OSTN: variants seen among roughly 807,000 people sequenced by gnomAD.
OSTN encodes the protein osteocrin.
In OSTN, 9 loss-of-function variants were observed where a neutral mutation model predicts 12.0. That is an observed-to-expected ratio of 0.75 (90% CI 0.45 to 1.30). The LOEUF (loss-of-function observed/expected upper bound fraction) is 1.30, where lower values mean the gene tolerates loss of function less well. Ranked by LOEUF, OSTN falls within the 50% of genes most tolerant of loss-of-function variation. OSTN has a pLI of 0.00. For missense variants in OSTN, 148 were observed against 152.3 expected, an observed-to-expected ratio of 0.97 and a Z score of 0.15; for synonymous variants, 59 against 56.9, an observed-to-expected ratio of 1.04 and a Z score of -0.16.
chr3:191,231,961 A>G (rs1715068266), intron 3 of OSTN, among the ~76,000 whole-genome samples: 1 of 152,062 alleles, frequency 6.6e-6, no homozygotes, highest in Admixed American at 6.5e-5. Flanking sequence ...ATTAATTTGC[A>G]ATAAAACATA....
At chr3:191,245,363 T>G (rs1036302994) in intron 3 of OSTN, among the ~76,000 whole-genome samples, 13 of 151,384 alleles carry the variant, frequency 8.6e-5, no homozygotes, top group Non-Finnish European at 1.0e-4. Flanking sequence ...ATAAGTTTGT[T>G]AAGTGAATAA....
intron 4 of OSTN, among the ~76,000 whole-genome samples, chr3:191,258,990 T>C (rs1192093917): frequency 6.6e-6 from 1 of 152,140 alleles, no homozygotes; most frequent in Non-Finnish European, 1.5e-5. Context: ...AGCAGAGTTT[T>C]AGACCTCACA....
chr3:191,215,367 C>T (rs946636023), intron 2 of OSTN, among the ~76,000 whole-genome samples: 1 of 152,104 alleles, frequency 6.6e-6, no homozygotes, highest in African/African-American at 2.4e-5. Flanking sequence ...ATCATTTTGC[C>T]ACTTGCCCCT....
intron 4 of OSTN, among the ~76,000 whole-genome samples, chr3:191,253,576 A>G (rs191110639): frequency 4.0e-4 from 61 of 152,382 alleles, no homozygotes; most frequent in African/African-American, 1.4e-3. Context: ...AGGTTTTAAT[A>G]ATAGTTTCAA....
In OSTN at chr3:191,264,448, T is replaced by C. The variant is rs910392789; in HGVS notation, c.*1595T>C. Reference sequence around the variant, plus strand: ...CTGGATATTTTTAAAATTGAAAGTCTTCAAAATTAATTTAGGAAAAATAGT... The same window carrying C: ...CTGGATATTTTTAAAATTGAAAGTCCTCAAAATTAATTTAGGAAAAATAGT... On this transcript the variant is annotated 3_prime_UTR_variant, in exon 5 of 5. Transcript: ENST00000682035. 3.3e-5 allele frequency: 5 copies of C among 152,152 alleles called. No homozygotes were observed. Among genetic ancestry groups the C allele is most frequent in the African/African-American group, 1.2e-4 (5 of 41,462 alleles). 9.4% of individuals were successfully genotyped at this position (152,152 alleles called of 1,614,324 possible).
At chr3:191,240,653 T>A (rs942249032) in intron 3 of OSTN, among the ~76,000 whole-genome samples, 8 of 152,236 alleles carry the variant, frequency 5.3e-5, no homozygotes, top group Non-Finnish European at 1.0e-4. Flanking sequence ...ACAGTGAAAA[T>A]GTTGGCCAGG....
chr3:191,208,642 G>T (rs192110654), intron 1 of OSTN, among the ~76,000 whole-genome samples: 22 of 152,154 alleles, frequency 1.4e-4, no homozygotes, highest in African/African-American at 5.3e-4. Flanking sequence ...CATCAATATT[G>T]TAAACACTCA....
chr3:191,252,739 T>A (rs539278608), intron 4 of OSTN, among the ~76,000 whole-genome samples: 1 of 152,342 alleles, frequency 6.6e-6, no homozygotes, highest in African/African-American at 2.4e-5. Context: ...ATGTAGTTTA[T>A]GAATAACAAA....
intron 3 of OSTN, among the ~76,000 whole-genome samples, chr3:191,242,221 G>C (rs1238213366): frequency 6.6e-6 from 1 of 151,984 alleles, no homozygotes; most frequent in African/African-American, 2.4e-5. Flanking sequence ...AACCAAGTAA[G>C]GGACACCATT....
At chr3:191,219,516 T>G (rs1310062070) in intron 3 of OSTN, among the ~76,000 whole-genome samples, 3 of 152,216 alleles carry the variant, frequency 2.0e-5, no homozygotes, top group African/African-American at 7.2e-5. Flanking sequence ...AATAATTACT[T>G]GCTTCCATAA....
At chr3:191,224,300 A>G (rs920464606) in intron 3 of OSTN, among the ~76,000 whole-genome samples, 1 of 151,544 alleles carries the variant, frequency 6.6e-6, no homozygotes, top group Non-Finnish European at 1.5e-5. Flanking sequence ...TCACTTGAGA[A>G]TGGCAGCAGA....
intron 4 of OSTN, among the ~76,000 whole-genome samples, chr3:191,251,666 C>T (rs1356729962): frequency 6.6e-6 from 1 of 152,174 alleles, no homozygotes; most frequent in Non-Finnish European, 1.5e-5. Flanking sequence ...TAATGAACCT[C>T]TGCAGTTAAT....
intron 3 of OSTN, among the ~76,000 whole-genome samples, chr3:191,231,755 A>G (rs1012758823): frequency 6.6e-6 from 1 of 152,094 alleles, no homozygotes; most frequent in Non-Finnish European, 1.5e-5. Flanking sequence ...TCTGAGATCC[A>G]TTTTCCATAC....
intron 1 of OSTN, among the ~76,000 whole-genome samples, chr3:191,205,885 GA>G (rs1161678473): frequency 6.6e-6 from 1 of 151,624 alleles, no homozygotes; most frequent in Non-Finnish European, 1.5e-5. Context: ...AGAGAAGTAA[GA>G]AAAAAATCCT....
intron 3 of OSTN, among the ~76,000 whole-genome samples, chr3:191,232,066 CA>C (rs1333330650): frequency 6.6e-6 from 1 of 151,884 alleles, no homozygotes; most frequent in Non-Finnish European, 1.5e-5. Flanking sequence ...TGCGGTGGCT[CA>C]TGCCTGTAAT....
intron 3 of OSTN, among the ~76,000 whole-genome samples, chr3:191,221,390 G>A (rs1366417774): frequency 6.6e-6 from 1 of 152,182 alleles, no homozygotes; most frequent in Admixed American, 6.5e-5. Flanking sequence ...CTCAGAAGAA[G>A]ATAGGATAAT....
chr3:191,253,744 G>C (rs1462177304), intron 4 of OSTN, among the ~76,000 whole-genome samples: 1 of 152,210 alleles, frequency 6.6e-6, no homozygotes, highest in Non-Finnish European at 1.5e-5. Flanking sequence ...ATCTTTCCTA[G>C]ATCTGGACAA....
intron 1 of OSTN, among the ~76,000 whole-genome samples, chr3:191,201,716 T>C (rs9842157): frequency 0.24 from 36,345 of 152,170 alleles, 4,805 homozygotes; most frequent in Middle Eastern, 0.49. Context: ...AATATTATTT[T>C]TCTTACTATA....
intron 3 of OSTN, among the ~76,000 whole-genome samples, chr3:191,236,668 AACTT>A (rs1458686563): frequency 1.3e-5 from 2 of 152,148 alleles, no homozygotes; most frequent in African/African-American, 2.4e-5. Flanking sequence ...TTTAAAGTGA[AACTT>A]ACTCTTAAAC....
Sources: allele counts gnomAD v4.1 joint callset (sites outside exome capture counted in the v4.1 genomes callset), GRCh38; gene constraint gnomAD v4.1.1; transcripts MANE v1.5; gene names NCBI Gene and HGNC (gene_info 2026-07-23, HGNC 2026-07-21).